The following TGFBR1 variants were observed in gnomAD, a reference collection of about 807,000 sequenced individuals.
TGFBR1 encodes the protein transforming growth factor beta receptor 1, also known as TGF-beta receptor type-1.
In TGFBR1, 20 loss-of-function variants were observed where a neutral mutation model predicts 55.1. That is an observed-to-expected ratio of 0.36 (90% CI 0.26 to 0.53). The LOEUF is 0.53. Ranked by LOEUF, TGFBR1 falls within the 20% of genes least tolerant of loss-of-function variation. The pLI, the probability that TGFBR1 is intolerant of heterozygous loss-of-function variation, is 0.91. For synonymous variants in TGFBR1, 220 were observed against 214.8 expected (o/e 1.02, Z -0.21); for missense variants, 385 against 617.6 (o/e 0.62, Z 3.99).
chr9:99,124,305 A>G (rs1284407232), intron 1 of TGFBR1, among the ~76,000 whole-genome samples: 1 of 152,028 alleles, frequency 6.6e-6, no homozygotes, highest in Non-Finnish European at 1.5e-5. Context: ...ACCTTGTCTT[A>G]CTCATCTCTG....
chr9:99,105,720 C>A (rs1479609401), intron 1 of TGFBR1, among the ~76,000 whole-genome samples: 2 of 152,150 alleles, frequency 1.3e-5, no homozygotes, highest in Admixed American at 1.3e-4. Context: ...TGACCTTGTT[C>A]TGGGGACCCC....
chr9:99,127,873 A>G, intron 1 of TGFBR1: 2 of 450,546 alleles, frequency 4.4e-6, no homozygotes, highest in Middle Eastern at 3.3e-4. Flanking sequence ...TTCAACAAGT[A>G]TTTTTTGAAT....
At position 99,142,699 on chromosome 9, in the gene TGFBR1, C is replaced by A; in HGVS notation, c.969C>A (p.Thr323=). 4 of 1,613,892 alleles carry A rather than the reference C, an allele frequency of 2.5e-6. No individual in the cohort carries two copies. Among genetic ancestry groups the A allele is most frequent in the Non-Finnish European group, 3.4e-6 (4 of 1,179,862 alleles). The change falls in exon 5 of 9, where the codon ACC becomes ACA. Residue 323 remains threonine, a synonymous_variant. Transcript: ENST00000374994. ...ATCTTCACATGGAGATTGTTGGTAC[C>A]CAAGGTAATTCTATAAGCAGTTCTA... ...LAHLHMEIVG[T]QGKPAIAHRD... is the part of the protein sequence containing the mutation.
chr9:99,147,000 T>TAA (rs1421079228), intron 7 of TGFBR1, among the ~76,000 whole-genome samples: 1 of 152,230 alleles, frequency 6.6e-6, no homozygotes, highest in Non-Finnish European at 1.5e-5. Context: ...ACTTGATAGT[T>TAA]ACAGTTACAT....
chr9:99,138,188 G>T, intron 4 of TGFBR1, 99 bp downstream of exon 4: 29 of 1,041,486 alleles, frequency 2.8e-5, no homozygotes, highest in Non-Finnish European at 4.3e-5. Context: ...ATGAGACATA[G>T]ATGTCTCTCA....
At chr9:99,112,871 G>C (rs1267706600) in intron 1 of TGFBR1, among the ~76,000 whole-genome samples, 1 of 152,140 alleles carries the variant, frequency 6.6e-6, no homozygotes, top group Non-Finnish European at 1.5e-5. Flanking sequence ...TTGGAAATGG[G>C]AGAGCACCTT....
rs201719827 is a variant in TGFBR1, at chr9:99,151,893, C to T, written c.*2588C>T. The T allele has an allele frequency of 2.9e-5, 6 of 204,702 alleles. No individual in the cohort carries two copies. Among genetic ancestry groups the T allele is most frequent in the Non-Finnish European group, 5.0e-5 (5 of 99,858 alleles). The allele number at this position is 204,702 out of a possible 1,614,324, so 12.7% of individuals were successfully genotyped here. A position where few individuals can be genotyped will look rare whatever the true frequency, so the allele number is the denominator to read the frequency against. ...TTTAAAAACACAGTTGTTTATACTG[C>T]CCATCCTAGGATGCTCACCTTCCAA... On this transcript the variant is annotated 3_prime_UTR_variant, in exon 9 of 9. Transcript: ENST00000374994.
chr9:99,136,943 T>G (rs1827454554), intron 3 of TGFBR1, among the ~76,000 whole-genome samples: 1 of 152,164 alleles, frequency 6.6e-6, no homozygotes, highest in South Asian at 2.1e-4. Context: ...CAATGTAATT[T>G]AAAATGACAC....
At chr9:99,147,895 A>T in intron 8 of TGFBR1, 111 bp downstream of exon 8, 2 of 1,300,200 alleles carry the variant, frequency 1.5e-6, no homozygotes, top group Non-Finnish European at 2.2e-6. Flanking sequence ...TTTCTTTTTC[A>T]TAGCAGTCAA....
At position 99,149,419 on chromosome 9, in the gene TGFBR1, T is replaced by C. The variant is rs200434439; in HGVS notation, c.*114T>C. 6.8e-7 allele frequency: 1 copy of C among 1,465,028 alleles called. No homozygotes were observed. Among genetic ancestry groups the C allele is most frequent in the Non-Finnish European group, 9.5e-7 (1 of 1,049,782 alleles). The allele number at this position is 1,465,028 out of a possible 1,614,324, so 90.8% of individuals were successfully genotyped here. On this transcript the variant is annotated 3_prime_UTR_variant, in exon 9 of 9. Coordinates refer to ENST00000374994, the MANE Select transcript of TGFBR1 (RefSeq NM_004612.4). ...GGGAACAGAAGGATATTGCTTCCTT[T>C]TGCAGCAGTGTAATAAAGTCAATTA...
intron 1 of TGFBR1, among the ~76,000 whole-genome samples, chr9:99,108,701 T>C (rs1826482596): frequency 6.6e-6 from 1 of 152,180 alleles, no homozygotes; most frequent in Non-Finnish European, 1.5e-5. Context: ...AGGCTTTTAC[T>C]GACTGACTGG....
intron 1 of TGFBR1, among the ~76,000 whole-genome samples, chr9:99,116,381 A>C (rs932103601): frequency 2.0e-5 from 3 of 152,210 alleles, no homozygotes; most frequent in African/African-American, 7.2e-5. Context: ...TTGCAAACAG[A>C]TGGTGTGTCC....
Position 99,138,006 on chromosome 9 carries a change from C to A in TGFBR1, c.722C>A (p.Ser241Ter), listed in dbSNP as rs111854391. 6.2e-7 allele frequency: 1 copy of A among 1,614,006 alleles called. No homozygotes were observed. The highest frequency in any genetic ancestry group is 8.5e-7 in the Non-Finnish European group (1 of 1,179,952). The change falls in exon 4 of 9, where the codon TCG (serine) becomes TAG (stop). Residue 241 changes from serine (S) to a stop codon, truncating the protein, a stop_gained. Coordinates refer to ENST00000374994, the MANE Select transcript of TGFBR1 (RefSeq NM_004612.4). LOFTEE classifies it high-confidence loss of function. The stretch of plus-strand genomic sequence containing the variant: ...ATATTCTCCTCTAGAGAAGAACGTT[C>A]GTGGTTCCGTGAGGCAGAGATTTAT... ...VKIFSSREER[S>*]WFREAEIYQT...
intron 5 of TGFBR1, among the ~76,000 whole-genome samples, chr9:99,143,604 T>G (rs1827695430): frequency 6.6e-6 from 1 of 152,254 alleles, no homozygotes; most frequent in African/African-American, 2.4e-5. Flanking sequence ...GTTCACATCT[T>G]AGCTCCATCT....
At chr9:99,138,665 T>C (rs10988723) in intron 4 of TGFBR1, among the ~76,000 whole-genome samples, 39,532 of 152,072 alleles carry the variant, frequency 0.26, 5,306 homozygotes, top group East Asian at 0.42. Flanking sequence ...TGAGGCCCAG[T>C]GTCAGGTCAG....
Position 99,105,276 on chromosome 9 carries a change from C to T in TGFBR1, c.71C>T (p.Ala24Val), listed in dbSNP as rs992252059. 5.7e-5 allele frequency: 55 copies of T among 969,000 alleles called. No homozygotes were observed. Among genetic ancestry groups the T allele is most frequent in the Middle Eastern group, 9.8e-4 (2 of 2,032 alleles). 60.0% of individuals were successfully genotyped at this position (969,000 alleles called of 1,614,324 possible). Reference protein sequence around the residue: ...LLVLAAAAAAAAALLPGATAL... With the variant: ...LLVLAAAAAAVAALLPGATAL... ...GTGCTGGCGGCGGCGGCGGCGGCGG[C>T]GGCGGCGCTGCTCCCGGGGGCGACG... The change falls in exon 1 of 9, where the codon GCG becomes GTG. Residue 24 changes from alanine to valine, a missense_variant. Transcript: ENST00000374994.
chr9:99,129,789 A>T (rs1827161873), intron 2 of TGFBR1, among the ~76,000 whole-genome samples: 1 of 152,086 alleles, frequency 6.6e-6, no homozygotes, highest in Non-Finnish European at 1.5e-5. Context: ...AATCCCACCT[A>T]CTTGGGTGGC....
chr9:99,110,862 C>G (rs1397022713), intron 1 of TGFBR1, among the ~76,000 whole-genome samples: 3 of 152,222 alleles, frequency 2.0e-5, no homozygotes, highest in Non-Finnish European at 2.9e-5. Flanking sequence ...CAGTTAAGCA[C>G]TCCAGGGTAT....
At chr9:99,110,589 G>A (rs528169553) in intron 1 of TGFBR1, among the ~76,000 whole-genome samples, 1 of 152,298 alleles carries the variant, frequency 6.6e-6, no homozygotes, top group East Asian at 1.9e-4. Context: ...AAAGGTGTTA[G>A]TATTTTTTCA....
Sources: allele counts gnomAD v4.1 joint callset (sites outside exome capture counted in the v4.1 genomes callset), GRCh38; gene constraint gnomAD v4.1.1; transcripts MANE v1.5; gene names NCBI Gene and HGNC (gene_info 2026-07-23, HGNC 2026-07-21).